Variants in VPS8 observed in about 807,000 individuals in gnomAD.
VPS8 encodes VPS8 subunit of CORVET complex.
Under a neutral mutation model 216.4 loss-of-function variants are expected in VPS8, and 129 were observed. The observed-to-expected ratio is 0.60, with a 90% CI of 0.52 to 0.69. The LOEUF is 0.69. VPS8 is among the 30% of genes least tolerant of loss of function. The pLI is 0.00. For missense variants in VPS8, 1,531 were observed against 1,683.5 expected (o/e 0.91, Z 1.59); for synonymous variants, 571 against 565.4 (o/e 1.01, Z -0.14).
At chr3:184,853,160 G>A (rs1724631386) in intron 11 of VPS8, among the ~76,000 whole-genome samples, 1 of 152,038 alleles carries the variant, frequency 6.6e-6, no homozygotes, top group Non-Finnish European at 1.5e-5. Context: ...AATGTTTATT[G>A]AGCATCTCCT....
chr3:184,954,699 C>G (rs983197244), intron 36 of VPS8, among the ~76,000 whole-genome samples: 1 of 152,088 alleles, frequency 6.6e-6, no homozygotes, highest in Non-Finnish European at 1.5e-5. Context: ...AGCCCTAGTC[C>G]CTGTAGTTTT....
At chr3:185,044,315 G>A (rs975399125) in intron 46 of VPS8, among the ~76,000 whole-genome samples, 1 of 152,194 alleles carries the variant, frequency 6.6e-6, no homozygotes, top group African/African-American at 2.4e-5. Context: ...ACCAACCAGA[G>A]TGACCTTGGC....
chr3:184,949,158 G>A (rs1445659006), intron 36 of VPS8, among the ~76,000 whole-genome samples: 2 of 152,044 alleles, frequency 1.3e-5, no homozygotes, highest in Non-Finnish European at 2.9e-5. Context: ...TTAGCAGGGC[G>A]TGGTGGTGCA....
At chr3:184,899,179 A>G (rs943190071) in intron 24 of VPS8, among the ~76,000 whole-genome samples, 29 of 152,200 alleles carry the variant, frequency 1.9e-4, no homozygotes, top group Non-Finnish European at 2.6e-4. Context: ...AAGAGAATCT[A>G]AAAAACATTT....
chr3:184,852,059 T>G (rs1484741686), intron 10 of VPS8, among the ~76,000 whole-genome samples: 1 of 152,208 alleles, frequency 6.6e-6, no homozygotes, highest in Non-Finnish European at 1.5e-5. Flanking sequence ...TTTCAGCTAT[T>G]CAGAAGACAT....
At chr3:184,955,688 C>T (rs1745468220) in intron 36 of VPS8, among the ~76,000 whole-genome samples, 1 of 152,014 alleles carries the variant, frequency 6.6e-6, no homozygotes, top group African/African-American at 2.4e-5. Context: ...AGGACTGGAC[C>T]CTACACGTTT....
At chr3:184,858,501 G>C (rs1245646820) in intron 14 of VPS8, among the ~76,000 whole-genome samples, 1 of 152,132 alleles carries the variant, frequency 6.6e-6, no homozygotes. Flanking sequence ...AAAGAGAAAT[G>C]GGTGCCCTTT....
At chr3:184,934,605 A>G (rs895891808) in intron 34 of VPS8, among the ~76,000 whole-genome samples, 1 of 152,214 alleles carries the variant, frequency 6.6e-6, no homozygotes, top group African/African-American at 2.4e-5. Flanking sequence ...TATTTCTACT[A>G]TGCCAAGAGT....
chr3:184,941,342 C>T (rs751687531), intron 36 of VPS8, among the ~76,000 whole-genome samples: 1 of 149,692 alleles, frequency 6.7e-6, no homozygotes, highest in Admixed American at 6.7e-5. Flanking sequence ...AAGCCCCCTC[C>T]ACTTGTGTTC....
At chr3:184,898,394 A>G (rs889039911) in intron 23 of VPS8, among the ~76,000 whole-genome samples, 171 bp from the exon 24 acceptor site, 1 of 152,226 alleles carries the variant, frequency 6.6e-6, no homozygotes, top group Non-Finnish European at 1.5e-5. Flanking sequence ...AATTTCACCT[A>G]CAGCAGCTCT....
intron 21 of VPS8, among the ~76,000 whole-genome samples, chr3:184,881,305 T>C (rs1429531250): frequency 6.6e-6 from 1 of 152,156 alleles, no homozygotes; most frequent in Admixed American, 6.5e-5. Flanking sequence ...GTGATCTATT[T>C]TGAGTTAATT....
At position 184,964,547 on chromosome 3, in the gene VPS8, T is replaced by C. The variant is rs933007907; in HGVS notation, c.3263T>C (p.Ile1088Thr). ...GGAGATATTCATGGTGCCTTCCTAA[T>C]AATGTTAGAGGTAACACTTTACTAT... is the stretch of plus-strand genomic sequence containing the variant. ...KKGDIHGAFL[I>T]MLERLQSKLQ... is the part of the protein sequence containing the mutation. Residue 1088 changes from isoleucine to threonine, a missense_variant, in exon 38 of 48, where the codon ATA becomes ACA. Ile to Thr is a moderately conservative substitution (Grantham distance 89). Transcript: ENST00000625842. 1.5e-5 allele frequency: 23 copies of C among 1,515,534 alleles called. No individual in the cohort carries two copies. Among genetic ancestry groups the C allele is most frequent in the Admixed American group, 4.1e-5 (2 of 48,810 alleles). The allele number at this position is 1,515,534 out of a possible 1,614,324, so 93.9% of individuals were successfully genotyped here.
intron 5 of VPS8, chr3:184,836,373 G>T (rs1186647419): frequency 2.2e-6 from 1 of 454,894 alleles, no homozygotes; most frequent in African/African-American, 2.0e-5. Context: ...AGATGAACCA[G>T]AACAGTCATT....
intron 36 of VPS8, among the ~76,000 whole-genome samples, chr3:184,956,472 C>G (rs1745621651): frequency 6.6e-6 from 1 of 152,202 alleles, no homozygotes; most frequent in Non-Finnish European, 1.5e-5. Flanking sequence ...GCTAGTTTTC[C>G]AAGCAATCAT....
chr3:184,848,517 G>A (rs1404062562), intron 8 of VPS8, among the ~76,000 whole-genome samples: 3 of 149,096 alleles, frequency 2.0e-5, no homozygotes, highest in South Asian at 2.2e-4. Flanking sequence ...CTTATCATTA[G>A]CATTTTTTAT....
At position 184,915,007 on chromosome 3, in the gene VPS8, C is replaced by G; in HGVS notation, c.2216C>G (p.Pro739Arg). The G allele has an allele frequency of 6.2e-7, 1 of 1,613,972 alleles. No homozygotes were observed. The highest frequency in any genetic ancestry group is 8.5e-7 in the Non-Finnish European group (1 of 1,179,876). The change falls in exon 27 of 48, where the codon CCC becomes CGC. Residue 739 changes from proline (P) to arginine (R), a missense_variant. This residue lies in a region of VPS8 where 1,318 missense variants were observed against 1,468.4 expected (regional missense o/e 0.90). Coordinates refer to ENST00000625842, the MANE Select transcript of VPS8 (RefSeq NM_001009921.3). ...TGTTGTCTAGCAGGTCGTGCCTATC[C>G]CCTTGGTGACATCCCTGAAGATCTG... ...ISCCLAGRAY[P>R]LGDIPEDLVP...
In VPS8 at chr3:184,822,629, G is replaced by A. The variant is rs1346830501; in HGVS notation, c.-88-1916G>A. Among the ~76,000 whole-genome samples, 10 of 152,184 alleles carry A rather than the reference G, an allele frequency of 6.6e-5. No individual in the cohort carries two copies. The East Asian group carries it at 1.9e-3, about 29-fold the overall frequency. On this transcript the variant is annotated intron_variant, in intron 1 of 47. Coordinates refer to ENST00000625842, the MANE Select transcript of VPS8 (RefSeq NM_001009921.3). ...TAACTATCTTTAGGAACCACTGAAC[G>A]TGAATTAGATTGTGCATGTTTGTAA...
chr3:184,898,469 A>C, intron 23 of VPS8, 96 bp from the exon 24 acceptor site: 1 of 933,742 alleles, frequency 1.1e-6, no homozygotes, highest in Non-Finnish European at 1.6e-6. Context: ...AAGAAAAATT[A>C]GGGAAGAGCA....
At chr3:184,834,529 C>A in intron 4 of VPS8, 120 bp from the exon 5 acceptor site, 1 of 733,874 alleles carries the variant, frequency 1.4e-6, no homozygotes, top group Non-Finnish European at 2.1e-6. Flanking sequence ...ACAGATCTAA[C>A]AAATTACATA....
Sources: allele counts gnomAD v4.1 joint callset (sites outside exome capture counted in the v4.1 genomes callset), GRCh38; gene constraint gnomAD v4.1.1; regional missense constraint gnomAD v4.1.1; transcripts MANE v1.5; gene names NCBI Gene and HGNC (gene_info 2026-07-23, HGNC 2026-07-21).